FRY: variants seen among roughly 807,000 people sequenced by gnomAD.
FRY encodes the protein FRY microtubule binding protein.
In FRY, 128 loss-of-function variants were observed where a neutral mutation model predicts 348.4. The ratio of observed to expected loss-of-function variants is 0.37; its 90% CI spans 0.32 to 0.43. FRY has a LOEUF of 0.43. FRY is among the 20% of genes least tolerant of loss of function. FRY has a pLI of 1.00. For synonymous variants in FRY, 1,370 were observed against 1,374.7 expected (o/e 1.00, Z 0.08); for missense variants, 2,736 against 3,695.2 (o/e 0.74, Z 6.73).
At chr13:32,144,649 A>G (rs564498976) in intron 11 of FRY, among the ~76,000 whole-genome samples, 24 of 152,320 alleles carry the variant, frequency 1.6e-4, no homozygotes, top group African/African-American at 5.3e-4. Context: ...AGAGAATCAT[A>G]TGACTAAATA....
At chr13:32,136,244 T>C (rs374298688) in intron 10 of FRY, among the ~76,000 whole-genome samples, 2 of 152,320 alleles carry the variant, frequency 1.3e-5, no homozygotes, top group South Asian at 2.1e-4. Context: ...CTTTGCTGTC[T>C]TCTCAAGTTG....
intron 1 of FRY, among the ~76,000 whole-genome samples, chr13:32,051,781 G>A (rs1050700500): frequency 1.4e-4 from 21 of 152,198 alleles, no homozygotes; most frequent in African/African-American, 5.1e-4. Flanking sequence ...GAAGTATGAG[G>A]TGCTTTCTAC....
At chr13:32,036,437 A>T (rs577738446) in intron 1 of FRY, among the ~76,000 whole-genome samples, 2 of 152,200 alleles carry the variant, frequency 1.3e-5, no homozygotes, top group African/African-American at 2.4e-5. Flanking sequence ...AATAGAAAGG[A>T]TCTATCCCTG....
At chr13:32,117,291 G>A (rs752165623) in intron 3 of FRY, 43 bp from the exon 4 acceptor site, 62 of 1,601,404 alleles carry the variant, frequency 3.9e-5, no homozygotes, top group Middle Eastern at 3.3e-4. Context: ...TCAGTAATTG[G>A]CAGTGCTACC....
chr13:32,267,952 T>G (rs1888002786), intron 55 of FRY, among the ~76,000 whole-genome samples: 1 of 152,238 alleles, frequency 6.6e-6, no homozygotes, highest in South Asian at 2.1e-4. Context: ...CTCTCCCGTG[T>G]GAACCACAGC....
chr13:32,108,235 C>T (rs1272088246), intron 3 of FRY, among the ~76,000 whole-genome samples: 1 of 152,144 alleles, frequency 6.6e-6, no homozygotes, highest in Non-Finnish European at 1.5e-5. Flanking sequence ...GGACAGAAGA[C>T]ACATGCCTCA....
intron 58 of FRY, among the ~76,000 whole-genome samples, chr13:32,288,116 G>A (rs1345784236): frequency 6.6e-6 from 1 of 152,184 alleles, no homozygotes; most frequent in Non-Finnish European, 1.5e-5. Context: ...AATATTTTGT[G>A]TAATAATTAC....
intron 35 of FRY, among the ~76,000 whole-genome samples, chr13:32,213,139 T>C (rs798986): frequency 0.41 from 61,863 of 152,118 alleles, 12,787 homozygotes; most frequent in Admixed American, 0.43. Context: ...GAGATGCTCA[T>C]GAATTCATAT....
chr13:32,252,602 T>A (rs1210035598), intron 50 of FRY, among the ~76,000 whole-genome samples: 1 of 152,034 alleles, frequency 6.6e-6, no homozygotes, highest in Non-Finnish European at 1.5e-5. Context: ...TTGTTTCACC[T>A]GTATCACAGA....
chr13:32,297,145 G>T lies in FRY; in HGVS notation c.*1685G>T, dbSNP rs996044940. On this transcript the variant is annotated 3_prime_UTR_variant, in exon 61 of 61. Transcript: ENST00000542859. ...TGAATCATTGGCAGTAATATTCTAGGAGTATTCTATAGAAGAGAGCCTAAC... is the reference window on the plus strand; with the variant it reads ...TGAATCATTGGCAGTAATATTCTAGTAGTATTCTATAGAAGAGAGCCTAAC... 1.3e-5 allele frequency: 2 copies of T among 152,104 alleles called. No individual in the cohort carries two copies. Among genetic ancestry groups the T allele is most frequent in the Non-Finnish European group, 2.9e-5 (2 of 68,002 alleles). 9.4% of individuals were successfully genotyped at this position (152,104 alleles called of 1,614,324 possible). A position where few individuals can be genotyped will look rare whatever the true frequency, so the allele number is the denominator to read the frequency against.
At chr13:32,087,063 A>G (rs1875921467) in intron 2 of FRY, among the ~76,000 whole-genome samples, 1 of 152,210 alleles carries the variant, frequency 6.6e-6, no homozygotes, top group African/African-American at 2.4e-5. Context: ...ATAATAGAAC[A>G]TGATCTAGCT....
At chr13:32,286,733 G>A (rs376009097) in intron 58 of FRY, among the ~76,000 whole-genome samples, 1 of 94,786 alleles carries the variant, frequency 1.1e-5, no homozygotes, top group East Asian at 4.3e-4. Flanking sequence ...GGGAGACAGA[G>A]CAAGACTCTG....
intron 26 of FRY, among the ~76,000 whole-genome samples, 161 bp from the exon 27 acceptor site, chr13:32,186,099 A>G (rs943776318): frequency 6.6e-5 from 10 of 152,236 alleles, no homozygotes; most frequent in Non-Finnish European, 1.5e-4. Context: ...ACACTTAGAA[A>G]AGAAAATGTG....
intron 51 of FRY, among the ~76,000 whole-genome samples, chr13:32,259,036 G>A (rs1200209691): frequency 6.6e-6 from 1 of 152,194 alleles, no homozygotes. Context: ...TCCCATCTCA[G>A]TGTAAACCCT....
chr13:32,187,559 T>C lies in FRY; in HGVS notation c.3494T>C (p.Val1165Ala). Reference protein sequence around the residue: ...QYCALKAMSAVLCCGPVFDNV... With the variant: ...QYCALKAMSAALCCGPVFDNV... ...TTTTATCATCAGGCAATGTCAGCAGTACTGTGCTGTGGCCCTGTCTTTGAC... is the reference window on the plus strand; with the variant it reads ...TTTTATCATCAGGCAATGTCAGCAGCACTGTGCTGTGGCCCTGTCTTTGAC... The change falls in exon 28 of 61, where the codon GTA becomes GCA. Residue 1165 changes from valine (V) to alanine (A), a missense_variant. Val to Ala is a moderately conservative substitution (Grantham distance 64). Transcript: ENST00000542859. The C allele has an allele frequency of 1.2e-6, 2 of 1,604,476 alleles. No homozygotes were observed. The highest frequency in any genetic ancestry group is 2.2e-5 in the South Asian group (2 of 90,938).
chr13:32,129,619 A>G (rs2138746686), intron 7 of FRY, among the ~76,000 whole-genome samples: 1 of 152,322 alleles, frequency 6.6e-6, no homozygotes, highest in African/African-American at 2.4e-5. Flanking sequence ...AAGATTAGGA[A>G]AATACCCTGA....
chr13:32,216,406 T>A (rs1884989768), intron 35 of FRY, among the ~76,000 whole-genome samples: 1 of 152,216 alleles, frequency 6.6e-6, no homozygotes, highest in Non-Finnish European at 1.5e-5. Context: ...CTCCTCCCCT[T>A]TATTCCAGCC....
At chr13:32,127,654 C>T (rs1879104769) in intron 7 of FRY, among the ~76,000 whole-genome samples, 1 of 151,994 alleles carries the variant, frequency 6.6e-6, no homozygotes, top group South Asian at 2.1e-4. Context: ...TGGCACGCAC[C>T]TGTAATCCCA....
At chr13:32,182,698 A>G (rs1882784811) in intron 23 of FRY, among the ~76,000 whole-genome samples, 1 of 152,196 alleles carries the variant, frequency 6.6e-6, no homozygotes, top group African/African-American at 2.4e-5. Context: ...TTTTTGCCAT[A>G]GAGATCTCCA....
Sources: gnomAD v4.1 joint callset for allele counts (sites outside exome capture counted in the v4.1 genomes callset) on GRCh38, gnomAD v4.1.1 for gene constraint, MANE v1.5 for transcripts, NCBI Gene and HGNC (gene_info 2026-07-23, HGNC 2026-07-21) for gene names.